The following ERMP1 variants were observed in gnomAD, a reference collection of about 807,000 sequenced individuals.
ERMP1 encodes the protein Felix-ina.
A neutral mutation model predicts 92.0 loss-of-function variants in ERMP1; 86 were observed. The ratio of observed to expected loss-of-function variants is 0.93; its 90% confidence interval spans 0.79 to 1.12. ERMP1 has a LOEUF of 1.12. ERMP1 is among the 50% of genes most tolerant of loss of function. The pLI is 0.00. For missense variants in ERMP1, 1,342 were observed against 1,116.3 expected, an observed-to-expected ratio of 1.20 and a Z score of -2.88; for synonymous variants, 530 against 412.8, an observed-to-expected ratio of 1.28 and a Z score of -3.44.
At chr9:5,865,949 C>G (rs1426467145) in intron 5 of ERMP1, among the ~76,000 whole-genome samples, 1 of 151,732 alleles carries the variant, frequency 6.6e-6, no homozygotes, top group Non-Finnish European at 1.5e-5. Flanking sequence ...TATCTGGGTT[C>G]TGACATTAAT....
At chr9:5,853,265 G>C (rs1388617376) in intron 6 of ERMP1, among the ~76,000 whole-genome samples, 1 of 152,150 alleles carries the variant, frequency 6.6e-6, no homozygotes, top group East Asian at 1.9e-4. Flanking sequence ...CCTGCTTCTA[G>C]GCAGAAAAGG....
At chr9:5,858,525 C>T (rs1476233403) in intron 6 of ERMP1, among the ~76,000 whole-genome samples, 3 of 152,184 alleles carry the variant, frequency 2.0e-5, no homozygotes, top group Admixed American at 6.5e-5. Flanking sequence ...GTCCTGCACA[C>T]CTCCACTCAG....
chr9:5,845,709 A>C (rs960897327), intron 6 of ERMP1, among the ~76,000 whole-genome samples: 3 of 152,202 alleles, frequency 2.0e-5, no homozygotes, highest in African/African-American at 4.8e-5. Context: ...GAGAGGTTGT[A>C]GGGTGCCCTC....
intron 3 of ERMP1, 111 bp from the exon 4 acceptor site, chr9:5,824,112 A>G (rs1287152227): frequency 5.3e-6 from 4 of 752,334 alleles, no homozygotes; most frequent in Non-Finnish European, 8.8e-6. Context: ...ATATGAAAAC[A>G]AAATAATCGC....
chr9:5,855,763 C>A (rs1034416200), intron 6 of ERMP1: 2 of 158,464 alleles, frequency 1.3e-5, no homozygotes, highest in Non-Finnish European at 1.4e-5. Context: ...CACAATTGAA[C>A]AAGTGAAGAA....
intron 1 of ERMP1, 58 bp from the exon 2 acceptor site, chr9:5,831,086 G>T: frequency 5.5e-6 from 8 of 1,441,862 alleles, no homozygotes; most frequent in Non-Finnish European, 7.6e-6. Context: ...CTTAGCGTGG[G>T]TAACTTTTCC....
intron 11 of ERMP1, 59 bp downstream of exon 11, chr9:5,801,117 G>A (rs1169732454): frequency 1.3e-6 from 2 of 1,546,256 alleles, no homozygotes; most frequent in African/African-American, 1.4e-5. Flanking sequence ...CACTACTGAA[G>A]CTCAAAACAC....
At chr9:5,847,152 A>G (rs1160887426) in intron 6 of ERMP1, among the ~76,000 whole-genome samples, 1 of 152,188 alleles carries the variant, frequency 6.6e-6, no homozygotes, top group African/African-American at 2.4e-5. Flanking sequence ...TCTAGAAAAT[A>G]TGGGCTTTGT....
At chr9:5,860,894 T>C (rs1031525656) in intron 5 of ERMP1, among the ~76,000 whole-genome samples, 2 of 152,158 alleles carry the variant, frequency 1.3e-5, no homozygotes, top group Middle Eastern at 3.2e-3. Context: ...AAAAGGGTCA[T>C]TTCACTGTCC....
At chr9:5,810,261 C>A in intron 7 of ERMP1, 30 bp from the exon 8 acceptor site, 1 of 1,526,034 alleles carries the variant, frequency 6.6e-7, no homozygotes, top group Non-Finnish European at 9.1e-7. Flanking sequence ...AAGTTGAAAT[C>A]ACCATCTTCA....
At chr9:5,860,692 T>G (rs1830460693) in intron 5 of ERMP1, among the ~76,000 whole-genome samples, 1 of 150,874 alleles carries the variant, frequency 6.6e-6, no homozygotes, top group South Asian at 2.1e-4. Context: ...CAAGCAATCC[T>G]CCTGCCTCAG....
chr9:5,784,936 G>C lies in ERMP1; in HGVS notation c.*2208C>G, dbSNP rs1246564861. 6.6e-6 allele frequency: 1 copy of C among 152,064 alleles called. No individual in the cohort carries two copies. The highest frequency in any genetic ancestry group is 2.4e-5 in the African/African-American group (1 of 41,322). The allele number at this position is 152,064 out of a possible 1,614,324, so 9.4% of individuals were successfully genotyped here. ...GTTAGAGCTTGAAAAGACCCTTTTA[G>C]AAATTATTTAAATGATCACTCTTTA... On this transcript the variant is annotated 3_prime_UTR_variant, in exon 15 of 15. Transcript: ENST00000339450.
intron 2 of ERMP1, among the ~76,000 whole-genome samples, chr9:5,828,301 A>G (rs1424570448): frequency 3.3e-5 from 5 of 152,208 alleles, no homozygotes; most frequent in Non-Finnish European, 7.3e-5. Flanking sequence ...GATTATTTTG[A>G]GCTGAAGGCA....
At chr9:5,813,468 T>G (rs1829186290) in intron 4 of ERMP1, among the ~76,000 whole-genome samples, 1 of 152,202 alleles carries the variant, frequency 6.6e-6, no homozygotes, top group Admixed American at 6.5e-5. Context: ...TGGGTATACC[T>G]TATCTGAAAT....
chr9:5,793,261 T>C (rs1224381750), intron 13 of ERMP1, among the ~76,000 whole-genome samples: 1 of 150,846 alleles, frequency 6.6e-6, no homozygotes. Context: ...AGGGCAGCCA[T>C]TAAAAAAGGT....
At chr9:5,853,963 A>C (rs1226230464) in intron 6 of ERMP1, among the ~76,000 whole-genome samples, 1 of 151,914 alleles carries the variant, frequency 6.6e-6, no homozygotes, top group Non-Finnish European at 1.5e-5. Flanking sequence ...CATTCATTTT[A>C]TGGATGTTAA....
intron 6 of ERMP1, among the ~76,000 whole-genome samples, chr9:5,854,293 A>G (rs1461215872): frequency 6.6e-6 from 1 of 152,132 alleles, no homozygotes; most frequent in Admixed American, 6.5e-5. Flanking sequence ...TGGAATAGAA[A>G]AAAAATAAAG....
chr9:5,845,027 C>A (rs1334916396), intron 6 of ERMP1, among the ~76,000 whole-genome samples: 1 of 152,110 alleles, frequency 6.6e-6, no homozygotes, highest in Non-Finnish European at 1.5e-5. Context: ...GTCCCCCCAC[C>A]CCCGCCAGCT....
At chr9:5,791,257 C>G (rs1363383875) in intron 13 of ERMP1, 1 of 456,822 alleles carries the variant, frequency 2.2e-6, no homozygotes, top group East Asian at 6.9e-5. Context: ...CTGGCAAGTC[C>G]AAAATCTGAA....
Sources: allele counts gnomAD v4.1 joint callset (sites outside exome capture counted in the v4.1 genomes callset), GRCh38; gene constraint gnomAD v4.1.1; transcripts MANE v1.5; gene names NCBI Gene and HGNC (gene_info 2026-07-23, HGNC 2026-07-21).